The following PLEKHG7 variants were observed in gnomAD, a reference collection of about 807,000 sequenced individuals.
PLEKHG7 encodes the protein pleckstrin homology domain-containing family G member 7.
In PLEKHG7, 77 loss-of-function variants were observed where a neutral mutation model predicts 85.2. The ratio of observed to expected loss-of-function variants is 0.90; its 90% confidence interval spans 0.75 to 1.09. The LOEUF is 1.09. Among genes scored for constraint, PLEKHG7 ranks in the 50% least tolerant of loss-of-function variants. PLEKHG7 has a pLI of 0.00. For missense variants in PLEKHG7, 777 were observed against 804.3 expected (o/e 0.97, Z 0.41); for synonymous variants, 301 against 302.4 (o/e 1.00, Z 0.05).
At chr12:92,721,536 G>A in intron 3 of PLEKHG7, 1 of 1,225,434 alleles carries the variant, frequency 8.2e-7, no homozygotes, top group Non-Finnish European at 1.0e-6. Context: ...TAGTGAAAGA[G>A]TGGCTATATT....
chr12:92,745,607 C>A lies in PLEKHG7; in HGVS notation c.1251+16C>A. The A allele has an allele frequency of 6.3e-7, 1 of 1,577,450 alleles. No individual in the cohort carries two copies. The highest frequency in any genetic ancestry group is 8.7e-7 in the Non-Finnish European group (1 of 1,147,704). On this transcript the variant is annotated intron_variant, in intron 10 of 16. Transcript: ENST00000344636. ...TTATTTAAAAGTAAAGTATCATTTT[C>A]TTTTCTTTTGTATTTTTGCTGATGC...
chr12:92,738,675 T>G (rs1289130796), intron 7 of PLEKHG7, among the ~76,000 whole-genome samples: 1 of 152,226 alleles, frequency 6.6e-6, no homozygotes. Context: ...GCTCACAGGC[T>G]GCATACTTTG....
chr12:92,706,403 G>A, intron 1 of PLEKHG7, 68 bp from the exon 2 acceptor site: 3 of 481,782 alleles, frequency 6.2e-6, no homozygotes, highest in Non-Finnish European at 1.1e-5. Flanking sequence ...TGAAATTTTA[G>A]ACCTTTTTTC....
Position 92,770,195 on chromosome 12 carries a change from G to T in PLEKHG7, c.2076G>T (p.Ter692TyrextTer10). ...FTLPAESSEI[*>Y] ...TGCCCGCAGAATCCTCTGAAATTTA[G>T]GGACCTAAAACAAGTGGCATGTCTT... The change falls in exon 17 of 17, where the codon TAG (stop) becomes TAT (tyrosine). Residue 692 changes from the stop codon to tyrosine (Y), a stop_lost. Coordinates refer to ENST00000344636, the MANE Select transcript of PLEKHG7 (RefSeq NM_001377329.1). 1 of 1,577,034 alleles carries T rather than the reference G, an allele frequency of 6.3e-7. No homozygotes were observed. The highest frequency in any genetic ancestry group is 1.2e-5 in the South Asian group (1 of 86,104).
chr12:92,756,724 C>T (rs1872845689), intron 13 of PLEKHG7, among the ~76,000 whole-genome samples: 1 of 152,162 alleles, frequency 6.6e-6, no homozygotes, highest in African/African-American at 2.4e-5. Context: ...TCGTTGTACT[C>T]CCCCAATGAG....
At chr12:92,739,251 C>A (rs2136602966) in intron 7 of PLEKHG7, among the ~76,000 whole-genome samples, 1 of 152,236 alleles carries the variant, frequency 6.6e-6, no homozygotes, top group Middle Eastern at 3.4e-3. Flanking sequence ...AGATCACGTG[C>A]CCACCCGTGA....
intron 10 of PLEKHG7, among the ~76,000 whole-genome samples, chr12:92,750,470 T>C (rs147246971): frequency 1.1e-4 from 16 of 152,310 alleles, no homozygotes; most frequent in Non-Finnish European, 2.4e-4. Flanking sequence ...TTCTTGCCAA[T>C]TGTTACCTGG....
At chr12:92,762,620 T>C (rs1488058105) in intron 14 of PLEKHG7, among the ~76,000 whole-genome samples, 1 of 152,132 alleles carries the variant, frequency 6.6e-6, no homozygotes, top group African/African-American at 2.4e-5. Flanking sequence ...TGTGTTTGAG[T>C]GGTATCAAGT....
chr12:92,753,329 C>G (rs527757715), intron 10 of PLEKHG7, among the ~76,000 whole-genome samples: 1 of 152,252 alleles, frequency 6.6e-6, no homozygotes, highest in South Asian at 2.1e-4. Flanking sequence ...CAAGGAAGCT[C>G]ACATTCAAAG....
chr12:92,706,142 T>C (rs1248151107), intron 1 of PLEKHG7, among the ~76,000 whole-genome samples: 1 of 152,224 alleles, frequency 6.6e-6, no homozygotes, highest in African/African-American at 2.4e-5. Flanking sequence ...TTAATGTATA[T>C]TTGATTCTCT....
intron 4 of PLEKHG7, among the ~76,000 whole-genome samples, chr12:92,730,789 G>T (rs956326780): frequency 6.6e-6 from 1 of 152,176 alleles, no homozygotes; most frequent in Non-Finnish European, 1.5e-5. Flanking sequence ...ACATGCTAAG[G>T]AACAAGTTCA....
At chr12:92,760,349 A>G (rs1872951862) in intron 13 of PLEKHG7, among the ~76,000 whole-genome samples, 1 of 152,216 alleles carries the variant, frequency 6.6e-6, no homozygotes, top group Admixed American at 6.5e-5. Flanking sequence ...AAACTATTCA[A>G]GGACTATTTA....
chr12:92,713,585 T>C (rs1871406795), intron 3 of PLEKHG7, among the ~76,000 whole-genome samples: 1 of 152,158 alleles, frequency 6.6e-6, no homozygotes, highest in Non-Finnish European at 1.5e-5. Context: ...AGATCTGACA[T>C]ACAGAGAAGA....
rs1312537669 is a variant in PLEKHG7, at chr12:92,759,359, T to C, written c.1637-2393T>C. Among the ~76,000 whole-genome samples the C allele has an allele frequency of 4.6e-5, 7 of 152,230 alleles. No individual in the cohort carries two copies. In the South Asian group the frequency reaches 1.2e-3, roughly 27 times the overall value. On this transcript the variant is annotated intron_variant, in intron 13 of 16. Transcript: ENST00000344636. Reference sequence around the variant, plus strand: ...AATTAGAAGGAGAAAACAAAACTATTTCATTTTGACAATGATCATTGAGCT... The same window carrying C: ...AATTAGAAGGAGAAAACAAAACTATCTCATTTTGACAATGATCATTGAGCT...
At chr12:92,762,892 TCGG>T (rs1873078815) in intron 14 of PLEKHG7, among the ~76,000 whole-genome samples, 1 of 152,176 alleles carries the variant, frequency 6.6e-6, no homozygotes, top group Non-Finnish European at 1.5e-5. Context: ...GAATAGCTAA[TCGG>T]TGGTTGGGGA....
chr12:92,718,633 T>A (rs984842686), intron 3 of PLEKHG7, among the ~76,000 whole-genome samples: 6 of 152,236 alleles, frequency 3.9e-5, no homozygotes, highest in Non-Finnish European at 5.9e-5. Context: ...TCCAACTATT[T>A]ATCTGACTCC....
At chr12:92,745,660 G>T in intron 10 of PLEKHG7, 69 bp downstream of exon 10, 2 of 975,980 alleles carry the variant, frequency 2.0e-6, no homozygotes, top group Non-Finnish European at 1.6e-6. Context: ...TACTGGGAAT[G>T]ATTATATCTA....
intron 6 of PLEKHG7, among the ~76,000 whole-genome samples, chr12:92,737,086 A>T (rs1224824614): frequency 6.6e-6 from 1 of 152,206 alleles, no homozygotes; most frequent in African/African-American, 2.4e-5. Flanking sequence ...CTCAAGCATA[A>T]TTCAAAACAT....
intron 3 of PLEKHG7, among the ~76,000 whole-genome samples, chr12:92,719,480 G>A (rs1280864950): frequency 2.0e-5 from 3 of 152,158 alleles, no homozygotes; most frequent in African/African-American, 7.2e-5. Context: ...AAGGACTATA[G>A]TTTCTGATGA....
Sources: allele counts gnomAD v4.1 joint callset (sites outside exome capture counted in the v4.1 genomes callset), GRCh38; gene constraint gnomAD v4.1.1; transcripts MANE v1.5; gene names NCBI Gene and HGNC (gene_info 2026-07-23, HGNC 2026-07-21).